The following GPR39 variants were observed in gnomAD, a reference collection of about 807,000 sequenced individuals.
GPR39 encodes the protein zinc sensing receptor.
A neutral mutation model predicts 18.4 loss-of-function variants in GPR39; 23 were observed. That is an observed-to-expected ratio of 1.25 (90% confidence interval 0.90 to 1.77). The LOEUF (loss-of-function observed/expected upper bound fraction) is 1.77. GPR39 is among the 40% of genes most tolerant of loss of function. The pLI is 0.00. For missense variants in GPR39, 647 were observed against 602.4 expected, an observed-to-expected ratio of 1.07 and a Z score of -0.78; for synonymous variants, 280 against 257.9, an observed-to-expected ratio of 1.09 and a Z score of -0.82.
chr2:132,483,579 T>C (rs1210306216), intron 1 of GPR39, among the ~76,000 whole-genome samples: 1 of 152,248 alleles, frequency 6.6e-6, no homozygotes, highest in Non-Finnish European at 1.5e-5. Flanking sequence ...TTTGGTGTTA[T>C]ACCAGAGCCT....
intron 1 of GPR39, among the ~76,000 whole-genome samples, chr2:132,532,222 T>C (rs561547400): frequency 2.0e-5 from 3 of 152,258 alleles, no homozygotes; most frequent in Admixed American, 1.3e-4. Flanking sequence ...AACAGCTCTA[T>C]GCAAATAAAC....
At chr2:132,418,945 G>T (rs1679960439) in intron 1 of GPR39, among the ~76,000 whole-genome samples, 1 of 152,134 alleles carries the variant, frequency 6.6e-6, no homozygotes, top group African/African-American at 2.4e-5. Flanking sequence ...TTTTGGTGTG[G>T]GCAACTGGGC....
chr2:132,565,588 C>A (rs1388451467), intron 1 of GPR39, among the ~76,000 whole-genome samples: 18 of 127,542 alleles, frequency 1.4e-4, no homozygotes, highest in Middle Eastern at 5.0e-3. Context: ...GTGTGATATT[C>A]CCCTTCATGT....
At chr2:132,596,253 C>T (rs1307377990) in intron 1 of GPR39, among the ~76,000 whole-genome samples, 5 of 152,102 alleles carry the variant, frequency 3.3e-5, no homozygotes, top group Admixed American at 6.5e-5. Context: ...TGTTCAATTG[C>T]ATTAGTTTTT....
chr2:132,508,920 C>G (rs1679184249), intron 1 of GPR39, among the ~76,000 whole-genome samples: 1 of 152,194 alleles, frequency 6.6e-6, no homozygotes. Context: ...GGGTACAGAA[C>G]TCTGGGTGCT....
chr2:132,588,403 A>G (rs957106253), intron 1 of GPR39, among the ~76,000 whole-genome samples: 1 of 152,306 alleles, frequency 6.6e-6, no homozygotes, highest in Admixed American at 6.5e-5. Context: ...TATTATGCTC[A>G]TCATTTCTGT....
chr2:132,460,473 C>G (rs1573613096), intron 1 of GPR39, among the ~76,000 whole-genome samples: 1 of 152,062 alleles, frequency 6.6e-6, no homozygotes, highest in African/African-American at 2.4e-5. Flanking sequence ...ACATTTGACA[C>G]CAATCAATAA....
At chr2:132,621,358 T>C (rs1215560132) in intron 1 of GPR39, among the ~76,000 whole-genome samples, 2 of 152,230 alleles carry the variant, frequency 1.3e-5, no homozygotes, top group African/African-American at 4.8e-5. Flanking sequence ...TGACCATGAC[T>C]TGGCGCTTAC....
rs151064547 is a variant in GPR39 at position 132,469,920 on chromosome 2, C to T, written c.856+52022C>T. On this transcript the variant is annotated intron_variant, in intron 1 of 1. Coordinates refer to ENST00000329321, the MANE Select transcript of GPR39 (RefSeq NM_001508.3). ...AAACACCAACAGGGGGAAACTGTTACGGCAAAGTTGCCCACTCTCAGAGGA... is the reference window on the plus strand; with the variant it reads ...AAACACCAACAGGGGGAAACTGTTATGGCAAAGTTGCCCACTCTCAGAGGA... Among the ~76,000 whole-genome samples the T allele has an allele frequency of 5.0e-4, 76 of 152,296 alleles. 1 individual carries two copies. Among genetic ancestry groups the T allele is most frequent in the African/African-American group, 1.5e-3 (64 of 41,558 alleles).
intron 1 of GPR39, among the ~76,000 whole-genome samples, chr2:132,513,157 G>A (rs946179008): frequency 5.9e-5 from 9 of 152,158 alleles, no homozygotes; most frequent in African/African-American, 1.9e-4. Flanking sequence ...TGTCCCAGGA[G>A]TGACCATTCC....
At chr2:132,498,107 T>C (rs1681682944) in intron 1 of GPR39, among the ~76,000 whole-genome samples, 1 of 152,220 alleles carries the variant, frequency 6.6e-6, no homozygotes, top group Non-Finnish European at 1.5e-5. Flanking sequence ...ATTATTTCAG[T>C]AGGTTTTTGG....
At chr2:132,638,709 A>G (rs1009302872) in intron 1 of GPR39, among the ~76,000 whole-genome samples, 2 of 152,218 alleles carry the variant, frequency 1.3e-5, no homozygotes, top group African/African-American at 4.8e-5. Context: ...AAAATCTTTT[A>G]TTGGATGTAT....
At chr2:132,420,269 C>G (rs909129817) in intron 1 of GPR39, among the ~76,000 whole-genome samples, 1 of 152,206 alleles carries the variant, frequency 6.6e-6, no homozygotes, top group Non-Finnish European at 1.5e-5. Flanking sequence ...GTTTTCAAAG[C>G]AGTTCTCGCA....
intron 1 of GPR39, among the ~76,000 whole-genome samples, chr2:132,566,352 G>A (rs1381853466): frequency 6.6e-6 from 1 of 150,736 alleles, no homozygotes; most frequent in South Asian, 2.1e-4. Flanking sequence ...GTTGTAGGTT[G>A]CCTGTTCACT....
At chr2:132,601,704 G>T (rs1398226284) in intron 1 of GPR39, among the ~76,000 whole-genome samples, 1 of 152,060 alleles carries the variant, frequency 6.6e-6, no homozygotes, top group Non-Finnish European at 1.5e-5. Flanking sequence ...ACTTAGAAAT[G>T]ATAAACAAAT....
At chr2:132,641,250 G>A (rs1333434937) in intron 1 of GPR39, among the ~76,000 whole-genome samples, 1 of 152,194 alleles carries the variant, frequency 6.6e-6, no homozygotes, top group African/African-American at 2.4e-5. Context: ...TTATATGGAA[G>A]GCTTTCTAGG....
chr2:132,445,885 C>T (rs989435628), intron 1 of GPR39, among the ~76,000 whole-genome samples: 1 of 152,160 alleles, frequency 6.6e-6, no homozygotes, highest in African/African-American at 2.4e-5. Context: ...TGGTCACCAG[C>T]GGGCTCAGGA....
intron 1 of GPR39, among the ~76,000 whole-genome samples, chr2:132,459,101 G>A (rs1389705558): frequency 6.6e-6 from 1 of 152,130 alleles, no homozygotes; most frequent in Non-Finnish European, 1.5e-5. Flanking sequence ...TCCTAAAACA[G>A]CAACCAAAGA....
chr2:132,578,708 C>A (rs1232783568), intron 1 of GPR39, among the ~76,000 whole-genome samples: 1 of 151,742 alleles, frequency 6.6e-6, no homozygotes, highest in Non-Finnish European at 1.5e-5. Context: ...TTTGATTAGC[C>A]CTAAGCTATT....
Sources: gnomAD v4.1 joint callset for allele counts (sites outside exome capture counted in the v4.1 genomes callset) on GRCh38, gnomAD v4.1.1 for gene constraint, MANE v1.5 for transcripts, NCBI Gene and HGNC (gene_info 2026-07-23, HGNC 2026-07-21) for gene names.